The following FMN1 variants were observed in gnomAD, a reference collection of about 807,000 sequenced individuals.
FMN1 encodes formin 1, also known as formin-1.
FMN1 carries 110 observed loss-of-function variants against 132.4 expected under a neutral mutation model. The observed-to-expected ratio is 0.83, with a 90% CI of 0.71 to 0.97. The LOEUF is 0.97. FMN1 is among the 50% of genes least tolerant of loss of function. FMN1 has a pLI of 0.00. For synonymous variants in FMN1, 722 were observed against 651.7 expected (o/e 1.11, Z -1.64); for missense variants, 1,792 against 1,705.3 (o/e 1.05, Z -0.90).
At chr15:32,864,556 A>T (rs1000556452) in intron 16 of FMN1, among the ~76,000 whole-genome samples, 6 of 152,182 alleles carry the variant, frequency 3.9e-5, no homozygotes, top group African/African-American at 1.4e-4. Context: ...TTTTCCTCCT[A>T]ATGACTCTAT....
intron 2 of FMN1, among the ~76,000 whole-genome samples, chr15:33,193,036 C>A (rs1379541356): frequency 6.6e-6 from 1 of 152,170 alleles, no homozygotes; most frequent in Non-Finnish European, 1.5e-5. Context: ...TATACTGTCT[C>A]ACTACTCTTC....
intron 17 of FMN1, among the ~76,000 whole-genome samples, chr15:32,844,328 A>C (rs779070606): frequency 1.6e-4 from 24 of 152,292 alleles, no homozygotes; most frequent in Middle Eastern, 6.8e-3. Context: ...TTCAGCAGCC[A>C]CTAGGTGGTA....
rs372940015 is a variant in FMN1, at chr15:33,173,062, AT to A, written c.-132+7135del. ...AATGACGGAGCAGCTGAAGAACCTC[AT>A]AATAAAGTTGTTGTATATCATGGTG... On this transcript the variant is annotated intron_variant, in intron 3 of 20. Coordinates refer to ENST00000616417, the MANE Select transcript of FMN1 (RefSeq NM_001277313.2). Among the ~76,000 whole-genome samples the A allele has an allele frequency of 1.5e-3, 224 of 152,304 alleles. 2 individuals carry two copies. Among genetic ancestry groups the A allele is most frequent in the African/African-American group, 5.3e-3 (220 of 41,550 alleles).
At position 32,933,728 on chromosome 15, in the gene FMN1, T is replaced by TA. The variant is rs1444319667; in HGVS notation, c.3139-7468dup. Among the ~76,000 whole-genome samples, 5 of 152,306 alleles carry TA rather than the reference T, an allele frequency of 3.3e-5. No individual in the cohort carries two copies. In the South Asian group the frequency reaches 8.3e-4, roughly 25 times the overall value. ...AATAGTGTCCTTCTTTTTCTTTTGT[T>TA]AGAGTTTTTGACTTAAATTCTAACT... On this transcript the variant is annotated intron_variant, in intron 9 of 20. Coordinates refer to ENST00000616417, the MANE Select transcript of FMN1 (RefSeq NM_001277313.2).
chr15:33,050,970 G>A (rs1298562555), intron 6 of FMN1, among the ~76,000 whole-genome samples: 1 of 152,226 alleles, frequency 6.6e-6, no homozygotes, highest in Non-Finnish European at 1.5e-5. Flanking sequence ...AGATTTTATA[G>A]TATGACCCCA....
intron 6 of FMN1, among the ~76,000 whole-genome samples, chr15:33,057,518 G>A (rs2037273135): frequency 6.6e-6 from 1 of 152,128 alleles, no homozygotes; most frequent in African/African-American, 2.4e-5. Flanking sequence ...TAGAGACAAG[G>A]ATGAAAATCC....
At chr15:32,837,023 G>C (rs1003084541) in intron 17 of FMN1, 1 of 229,844 alleles carries the variant, frequency 4.4e-6, no homozygotes, top group African/African-American at 2.3e-5. Flanking sequence ...GGGAGACACA[G>C]ACCATGTACA....
chr15:33,043,244 T>C (rs1566859281), intron 6 of FMN1, among the ~76,000 whole-genome samples: 1 of 152,232 alleles, frequency 6.6e-6, no homozygotes, highest in South Asian at 2.1e-4. Context: ...GCCTCCTCCT[T>C]ACGTTTTCAT....
chr15:33,067,098 T>C, intron 5 of FMN1: 1 of 1,614,000 alleles, frequency 6.2e-7, no homozygotes, highest in Non-Finnish European at 8.5e-7. Context: ...GAGACTTCTT[T>C]TTTAGAAGAG....
At chr15:33,060,382 T>C (rs1051147905) in intron 6 of FMN1, among the ~76,000 whole-genome samples, 3 of 152,194 alleles carry the variant, frequency 2.0e-5, no homozygotes, top group Non-Finnish European at 4.4e-5. Flanking sequence ...ATACCTGACT[T>C]ATCAGGAAGG....
At chr15:32,917,252 C>T (rs986257287) in intron 10 of FMN1, among the ~76,000 whole-genome samples, 2 of 152,154 alleles carry the variant, frequency 1.3e-5, no homozygotes, top group African/African-American at 4.8e-5. Context: ...TGTAACAAGC[C>T]TCTTCAAAAT....
In FMN1 at chr15:32,799,023, G is replaced by C. The variant is rs560987206; in HGVS notation, c.3981-70C>G. Reference sequence around the variant, plus strand: ...ATTGCCAACACTAAAATCCATTAGAGGGGGGATGCTGGGGGCAGTTTCTCT... The same window carrying C: ...ATTGCCAACACTAAAATCCATTAGACGGGGGATGCTGGGGGCAGTTTCTCT... On this transcript the variant is annotated intron_variant, in intron 18 of 20. Transcript: ENST00000616417. 1.2e-3 allele frequency: 1,611 copies of C among 1,374,876 alleles called. 23 individuals carry two copies. In the South Asian group the frequency reaches 0.014, roughly 12 times the overall value. 85.2% of individuals were successfully genotyped at this position (1,374,876 alleles called of 1,614,324 possible).
intron 4 of FMN1, among the ~76,000 whole-genome samples, chr15:33,109,118 C>A (rs562278608): frequency 6.6e-6 from 1 of 152,248 alleles, no homozygotes; most frequent in East Asian, 1.9e-4. Context: ...CATACTTGGT[C>A]TAGAGTGTGC....
rs1267718491 is a variant in FMN1 at position 32,768,524 on chromosome 15, G to A, written c.*5786C>T. The A allele has an allele frequency of 2.6e-5, 4 of 152,210 alleles. No individual in the cohort carries two copies. The highest frequency in any genetic ancestry group is 6.5e-5 in the Admixed American group (1 of 15,272). The allele number at this position is 152,210 out of a possible 1,614,324, so 9.4% of individuals were successfully genotyped here. A position where few individuals can be genotyped will look rare whatever the true frequency, so the allele number is the denominator to read the frequency against. ...TTAAGACGTTCTCATAGTTTCAAAG[G>A]TAGAGAGCCCCTCAGTGTCTGCACA... On this transcript the variant is annotated 3_prime_UTR_variant, in exon 21 of 21. Coordinates refer to ENST00000616417, the MANE Select transcript of FMN1 (RefSeq NM_001277313.2).
At chr15:32,913,278 A>G (rs930729949) in intron 10 of FMN1, among the ~76,000 whole-genome samples, 12 of 152,316 alleles carry the variant, frequency 7.9e-5, no homozygotes, top group Middle Eastern at 3.4e-3. Flanking sequence ...ATTTTTATCT[A>G]TAATTTCAAT....
intron 7 of FMN1, among the ~76,000 whole-genome samples, chr15:32,998,150 A>AT (rs1282465181): frequency 6.6e-6 from 1 of 152,114 alleles, no homozygotes; most frequent in Non-Finnish European, 1.5e-5. Flanking sequence ...TTTAAATGTT[A>AT]TTGTGCTCAA....
intron 9 of FMN1, among the ~76,000 whole-genome samples, chr15:32,935,350 C>T (rs1317710994): frequency 6.6e-6 from 1 of 152,108 alleles, no homozygotes; most frequent in Non-Finnish European, 1.5e-5. Context: ...TGTTGGGGTG[C>T]CCTTATATGA....
At chr15:32,817,129 T>C (rs1473221168) in intron 17 of FMN1, among the ~76,000 whole-genome samples, 1 of 152,272 alleles carries the variant, frequency 6.6e-6, no homozygotes, top group Non-Finnish European at 1.5e-5. Context: ...CTCTGACATC[T>C]GTGTAGCTTA....
chr15:32,924,844 G>A (rs1299753598), intron 10 of FMN1, among the ~76,000 whole-genome samples: 3 of 152,186 alleles, frequency 2.0e-5, no homozygotes, highest in Non-Finnish European at 2.9e-5. Context: ...AATCCGGGAG[G>A]CAGAGGTTGC....
Sources: gnomAD v4.1 joint callset for allele counts (sites outside exome capture counted in the v4.1 genomes callset) on GRCh38, gnomAD v4.1.1 for gene constraint, MANE v1.5 for transcripts, NCBI Gene and HGNC (gene_info 2026-07-23, HGNC 2026-07-21) for gene names.